The following PTPN12 variants were observed in gnomAD, a reference collection of about 807,000 sequenced individuals.
The protein encoded by PTPN12 is tyrosine-protein phosphatase non-receptor type 12.
PTPN12 carries 29 observed loss-of-function variants against 97.6 expected under a neutral mutation model. That is an observed-to-expected ratio of 0.30 (90% CI 0.22 to 0.41). The LOEUF is 0.41. Ranked by LOEUF, PTPN12 falls within the 10% of genes least tolerant of loss-of-function variation. The probability of loss-of-function intolerance (pLI) is 1.00; values close to 1 mark genes in which losing one functional copy is unlikely to be tolerated. For synonymous variants in PTPN12, 327 were observed against 300.4 expected (o/e 1.09, Z -0.91); for missense variants, 819 against 926.0 (o/e 0.88, Z 1.50).
At chr7:77,630,754 A>C (rs1789370642) in intron 13 of PTPN12, among the ~76,000 whole-genome samples, 1 of 152,200 alleles carries the variant, frequency 6.6e-6, no homozygotes, top group South Asian at 2.1e-4. Flanking sequence ...TTCAGTCTTG[A>C]CTTAGGCCTC....
chr7:77,633,310 G>A (rs191093517), intron 14 of PTPN12, among the ~76,000 whole-genome samples: 29 of 151,544 alleles, frequency 1.9e-4, no homozygotes, highest in Non-Finnish European at 4.3e-4. Flanking sequence ...GCAATCTGGT[G>A]TATTTTCATT....
At chr7:77,592,451 A>G in intron 6 of PTPN12, 195 bp downstream of exon 6, 1 of 459,190 alleles carries the variant, frequency 2.2e-6, no homozygotes, top group Non-Finnish European at 3.8e-6. Context: ...ATAAATGCAT[A>G]TTTTCCTTGT....
chr7:77,614,429 T>G (rs1277090509), intron 11 of PTPN12, among the ~76,000 whole-genome samples: 2 of 152,178 alleles, frequency 1.3e-5, no homozygotes, highest in African/African-American at 2.4e-5. Context: ...AGTCATACTT[T>G]GTAGGAGATG....
chr7:77,589,909 T>C (rs1443302708), intron 5 of PTPN12, among the ~76,000 whole-genome samples: 2 of 152,188 alleles, frequency 1.3e-5, no homozygotes, highest in Non-Finnish European at 2.9e-5. Context: ...TCAAGTAGCA[T>C]TGAGTACATA....
chr7:77,625,542 G>T (rs9768407), intron 12 of PTPN12, among the ~76,000 whole-genome samples: 7 of 54,310 alleles, frequency 1.3e-4, no homozygotes, highest in African/African-American at 3.9e-4. Context: ...TCTCACTCGC[G>T]CTCTCTCTCT....
intron 5 of PTPN12, among the ~76,000 whole-genome samples, chr7:77,588,828 A>C (rs908052000): frequency 6.6e-6 from 1 of 152,206 alleles, no homozygotes; most frequent in African/African-American, 2.4e-5. Context: ...AATACATTTT[A>C]AAAATCTGGT....
chr7:77,547,468 A>T (rs879675808), intron 1 of PTPN12, among the ~76,000 whole-genome samples: 69 of 152,256 alleles, frequency 4.5e-4, no homozygotes, highest in Non-Finnish European at 8.5e-4. Context: ...GGTCCCTTAG[A>T]CTAGTGGAAA....
chr7:77,544,061 CTA>C (rs1364188973), intron 1 of PTPN12, among the ~76,000 whole-genome samples: 1 of 152,190 alleles, frequency 6.6e-6, no homozygotes, highest in African/African-American at 2.4e-5. Context: ...CGTGGTAACA[CTA>C]TGTTTAACAT....
chr7:77,548,157 G>C (rs1807308329), intron 1 of PTPN12, among the ~76,000 whole-genome samples: 1 of 152,214 alleles, frequency 6.6e-6, no homozygotes, highest in Non-Finnish European at 1.5e-5. Flanking sequence ...TAGATGACTA[G>C]ATTAGTGTTT....
intron 1 of PTPN12, among the ~76,000 whole-genome samples, chr7:77,541,176 G>A (rs764098386): frequency 4.6e-5 from 7 of 152,102 alleles, no homozygotes; most frequent in Non-Finnish European, 8.8e-5. Context: ...CGGCAGCGTC[G>A]GTCTCCCTGG....
intron 9 of PTPN12, among the ~76,000 whole-genome samples, 186 bp downstream of exon 9, chr7:77,607,487 C>T (rs374520852): frequency 1.3e-5 from 2 of 152,312 alleles, no homozygotes; most frequent in South Asian, 2.1e-4. Flanking sequence ...AATCCTAGCA[C>T]TTTGGGAGGC....
intron 1 of PTPN12, among the ~76,000 whole-genome samples, chr7:77,562,974 A>G (rs574524261): frequency 1.3e-5 from 2 of 150,436 alleles, no homozygotes; most frequent in Non-Finnish European, 3.0e-5. Flanking sequence ...AAAAAAAAGA[A>G]CAGCCTTGTT....
intron 1 of PTPN12, among the ~76,000 whole-genome samples, chr7:77,562,259 T>A (rs914563882): frequency 1.3e-5 from 2 of 152,178 alleles, no homozygotes; most frequent in African/African-American, 4.8e-5. Context: ...TTCACCACCT[T>A]GGCCAAGCTG....
chr7:77,625,482 T>TCTCTCTCTCG (rs1789119407), intron 12 of PTPN12, among the ~76,000 whole-genome samples: 1 of 62,496 alleles, frequency 1.6e-5, no homozygotes, highest in African/African-American at 7.4e-5. Context: ...GCTCTCTCTC[T>TCTCTCTCTCG]CTCTCTCTCT....
intron 1 of PTPN12, among the ~76,000 whole-genome samples, chr7:77,551,270 A>T (rs1181459983): frequency 6.6e-6 from 1 of 152,138 alleles, no homozygotes; most frequent in Non-Finnish European, 1.5e-5. Flanking sequence ...CATGTTGTCC[A>T]GGCTGGTCTT....
chr7:77,578,298 A>G (rs1787400514), intron 2 of PTPN12, among the ~76,000 whole-genome samples: 1 of 152,158 alleles, frequency 6.6e-6, no homozygotes, highest in Admixed American at 6.5e-5. Flanking sequence ...TAACCACTGA[A>G]TATTCTATTC....
At chr7:77,630,337 A>G (rs556975451) in intron 13 of PTPN12, among the ~76,000 whole-genome samples, 8 of 152,264 alleles carry the variant, frequency 5.3e-5, no homozygotes, top group Admixed American at 2.0e-4. Flanking sequence ...ACAGTCACAC[A>G]TTTCTTAATG....
At chr7:77,574,941 C>T (rs757263837) in intron 2 of PTPN12, among the ~76,000 whole-genome samples, 3 of 151,848 alleles carry the variant, frequency 2.0e-5, no homozygotes, top group African/African-American at 2.4e-5. Flanking sequence ...AAGCAATTCT[C>T]GTGCCTCAGC....
In PTPN12 at chr7:77,537,651, T is replaced by C; in HGVS notation, c.99+6T>C. The C allele has an allele frequency of 6.3e-7, 1 of 1,585,074 alleles. No homozygotes were observed. The highest frequency in any genetic ancestry group is 1.4e-5 in the African/African-American group (1 of 72,420). Reference sequence around the variant, plus strand: ...ACTTCGCCCGGGACTTCATGGTGAGTCTCTCCCCTCGCTGTCGCGTTTTCT... The same window carrying C: ...ACTTCGCCCGGGACTTCATGGTGAGCCTCTCCCCTCGCTGTCGCGTTTTCT... On this transcript the variant is annotated splice_donor_region_variant and intron_variant, in intron 1 of 17. Coordinates refer to ENST00000248594, the MANE Select transcript of PTPN12 (RefSeq NM_002835.4).
Sources: allele counts gnomAD v4.1 joint callset (sites outside exome capture counted in the v4.1 genomes callset), GRCh38; gene constraint gnomAD v4.1.1; transcripts MANE v1.5; gene names NCBI Gene and HGNC (gene_info 2026-07-23, HGNC 2026-07-21).